UBE2E3: variants seen among roughly 807,000 people sequenced by gnomAD.
UBE2E3 encodes the protein ubiquitin-conjugating enzyme E2 E3.
In UBE2E3, 5 loss-of-function variants were observed where a neutral mutation model predicts 23.6. The observed-to-expected ratio is 0.21, with a 90% confidence interval of 0.11 to 0.44. The LOEUF (loss-of-function observed/expected upper bound fraction) is 0.44, where lower values mean the gene tolerates loss of function less well. UBE2E3 is among the 20% of genes least tolerant of loss of function. The pLI is 0.99. For synonymous variants in UBE2E3, 78 were observed against 87.5 expected (o/e 0.89, Z 0.60); for missense variants, 81 against 249.8 (o/e 0.32, Z 4.55).
chr2:181,000,288 TAAA>T (rs200015432), intron 3 of UBE2E3, among the ~76,000 whole-genome samples: 3,929 of 152,310 alleles, frequency 0.026, 79 homozygotes, highest in South Asian at 0.049. Context: ...AATAGTGATT[TAAA>T]AAACTGTTAA....
intron 3 of UBE2E3, among the ~76,000 whole-genome samples, chr2:181,030,775 G>C (rs1686051952): frequency 6.6e-6 from 1 of 151,946 alleles, no homozygotes; most frequent in Non-Finnish European, 1.5e-5. Flanking sequence ...TATTCACTTA[G>C]TCTGTTCTTT....
intron 3 of UBE2E3, among the ~76,000 whole-genome samples, chr2:181,023,525 C>T (rs1559125150): frequency 1.3e-5 from 2 of 152,276 alleles, no homozygotes; most frequent in Admixed American, 1.3e-4. Context: ...CTTTGTGGCA[C>T]AAGAAGACAG....
intron 3 of UBE2E3, among the ~76,000 whole-genome samples, chr2:181,038,199 A>G (rs1318596373): frequency 6.6e-6 from 1 of 151,932 alleles, no homozygotes; most frequent in Non-Finnish European, 1.5e-5. Flanking sequence ...CTTTTATATC[A>G]TTTTTACTGT....
intron 3 of UBE2E3, among the ~76,000 whole-genome samples, chr2:181,030,972 AC>A (rs1469628428): frequency 6.6e-6 from 1 of 152,094 alleles, no homozygotes; most frequent in Non-Finnish European, 1.5e-5. Context: ...TTATACTATT[AC>A]GTTTGTTACC....
intron 3 of UBE2E3, among the ~76,000 whole-genome samples, chr2:181,034,242 G>A (rs1328740166): frequency 1.3e-5 from 2 of 152,180 alleles, no homozygotes; most frequent in African/African-American, 4.8e-5. Flanking sequence ...GTTTATTGTG[G>A]CAGTATTCAC....
intron 1 of UBE2E3, 141 bp from the exon 2 acceptor site, chr2:180,981,877 C>G (rs1008732792): frequency 1.4e-4 from 88 of 637,116 alleles, no homozygotes; most frequent in Non-Finnish European, 2.1e-4. Context: ...TGTACGTACC[C>G]CTGTTGTACG....
intron 3 of UBE2E3, among the ~76,000 whole-genome samples, chr2:181,011,426 C>T (rs754915224): frequency 2.0e-5 from 3 of 151,996 alleles, no homozygotes; most frequent in Non-Finnish European, 4.4e-5. Context: ...GTGGAGCTCC[C>T]GCAGCCCAGT....
chr2:181,016,707 C>T (rs1012106241), intron 3 of UBE2E3, among the ~76,000 whole-genome samples: 5 of 152,070 alleles, frequency 3.3e-5, no homozygotes, highest in African/African-American at 7.2e-5. Context: ...ATCAGTCTCA[C>T]GACTATTATG....
At chr2:181,025,289 A>G (rs1685848870) in intron 3 of UBE2E3, among the ~76,000 whole-genome samples, 1 of 151,966 alleles carries the variant, frequency 6.6e-6, no homozygotes, top group South Asian at 2.1e-4. Context: ...CTTAACATTT[A>G]AGACAATGGA....
chr2:181,058,489 T>C (rs989394103), intron 4 of UBE2E3, among the ~76,000 whole-genome samples: 2 of 151,752 alleles, frequency 1.3e-5, no homozygotes, highest in African/African-American at 4.8e-5. Flanking sequence ...CTCCCTCCGC[T>C]AACTTCTGTT....
chr2:181,041,910 T>C (rs1258146735), intron 3 of UBE2E3, among the ~76,000 whole-genome samples: 3 of 152,216 alleles, frequency 2.0e-5, no homozygotes, highest in Non-Finnish European at 2.9e-5. Flanking sequence ...TGGAGAGTCA[T>C]CTCAGCAGAC....
chr2:181,060,640 C>T, intron 4 of UBE2E3, 25 bp from the exon 5 acceptor site: 1 of 1,556,382 alleles, frequency 6.4e-7, no homozygotes, highest in Non-Finnish European at 8.7e-7. Flanking sequence ...CATTTTCCTT[C>T]TGTTTTTAAT....
intron 3 of UBE2E3, among the ~76,000 whole-genome samples, chr2:180,994,338 A>G (rs916632349): frequency 6.6e-6 from 1 of 152,194 alleles, no homozygotes; most frequent in Non-Finnish European, 1.5e-5. Flanking sequence ...ACCTTTATCC[A>G]GTTTCAGTAG....
At chr2:181,017,316 C>T (rs1341439390) in intron 3 of UBE2E3, among the ~76,000 whole-genome samples, 3 of 151,898 alleles carry the variant, frequency 2.0e-5, no homozygotes, top group Admixed American at 1.3e-4. Context: ...GCCAGTGGGA[C>T]GAGTTTAGAG....
intron 3 of UBE2E3, among the ~76,000 whole-genome samples, chr2:181,053,130 G>A (rs1686891370): frequency 6.6e-6 from 1 of 151,716 alleles, no homozygotes; most frequent in Non-Finnish European, 1.5e-5. Flanking sequence ...ATAAAGATAT[G>A]TTTGAAAGAG....
intron 3 of UBE2E3, among the ~76,000 whole-genome samples, chr2:181,045,860 C>T (rs1309009956): frequency 1.3e-5 from 2 of 151,744 alleles, no homozygotes. Context: ...ATACACATAC[C>T]CTTGGATATG....
In UBE2E3 at chr2:181,062,940, G is replaced by C. The variant is rs547765727; in HGVS notation, c.*52G>C. On this transcript the variant is annotated 3_prime_UTR_variant, in exon 6 of 6. Coordinates refer to ENST00000410062, the MANE Select transcript of UBE2E3 (RefSeq NM_006357.4). Reference sequence around the variant, plus strand: ...GGAGCAGAAGGCATCTTCTCACTGTGCTGCAAATCTTTATAGCCTTTACAA... The same window carrying C: ...GGAGCAGAAGGCATCTTCTCACTGTCCTGCAAATCTTTATAGCCTTTACAA... 1.7e-6 allele frequency: 2 copies of C among 1,144,010 alleles called. No homozygotes were observed. The highest frequency in any genetic ancestry group is 2.0e-4 in the Middle Eastern group (1 of 5,002). The allele number at this position is 1,144,010 out of a possible 1,614,324, so 70.9% of individuals were successfully genotyped here. A position where few individuals can be genotyped will look rare whatever the true frequency, so the allele number is the denominator to read the frequency against.
chr2:181,059,041 G>A (rs866272899), intron 4 of UBE2E3, among the ~76,000 whole-genome samples: 1 of 151,710 alleles, frequency 6.6e-6, no homozygotes, highest in African/African-American at 2.4e-5. Flanking sequence ...ATATAGTACT[G>A]TATATGATTT....
intron 3 of UBE2E3, among the ~76,000 whole-genome samples, chr2:181,012,195 CT>C (rs968016919): frequency 4.6e-5 from 7 of 152,164 alleles, no homozygotes; most frequent in African/African-American, 1.7e-4. Context: ...TGCGTCAACA[CT>C]TACTACATTA....
Sources: gnomAD v4.1 joint callset for allele counts (sites outside exome capture counted in the v4.1 genomes callset) on GRCh38, gnomAD v4.1.1 for gene constraint, MANE v1.5 for transcripts, NCBI Gene and HGNC (gene_info 2026-07-23, HGNC 2026-07-21) for gene names.